The following KATNAL2 variants were observed in gnomAD, a reference collection of about 807,000 sequenced individuals.
The protein encoded by KATNAL2 is katanin p60 ATPase-containing subunit A-like 2.
In KATNAL2, 52 loss-of-function variants were observed where a neutral mutation model predicts 76.3. The ratio of observed to expected loss-of-function variants is 0.68; its 90% CI spans 0.55 to 0.86. KATNAL2 has a LOEUF of 0.86. Among genes scored for constraint, KATNAL2 ranks in the 40% least tolerant of loss-of-function variants. KATNAL2 has a pLI of 0.00. For missense variants in KATNAL2, 660 were observed against 668.9 expected (o/e 0.99, Z 0.15); for synonymous variants, 243 against 244.2 (o/e 1.00, Z 0.05).
At chr18:46,960,169 G>T (rs1313242108) in intron 3 of KATNAL2, among the ~76,000 whole-genome samples, 1 of 152,184 alleles carries the variant, frequency 6.6e-6, no homozygotes, top group Non-Finnish European at 1.5e-5. Flanking sequence ...GGGCACTGTG[G>T]CTCATGCCTA....
intron 3 of KATNAL2, chr18:47,033,508 C>G: frequency 6.2e-7 from 1 of 1,614,152 alleles, no homozygotes; most frequent in African/African-American, 1.3e-5. Context: ...ACAATGATTC[C>G]TCCGTAATTC....
chr18:47,069,670 G>T, intron 13 of KATNAL2, 70 bp downstream of exon 13: 2 of 1,010,064 alleles, frequency 2.0e-6, no homozygotes, highest in Admixed American at 2.1e-5. Context: ...TGATGTCAGA[G>T]CTTCTTTGCT....
chr18:47,031,889 C>G (rs376675828), intron 3 of KATNAL2, among the ~76,000 whole-genome samples: 4 of 151,758 alleles, frequency 2.6e-5, no homozygotes, highest in African/African-American at 9.7e-5. Context: ...GGCTTTTTTC[C>G]TGTGTGTGTG....
intron 1 of KATNAL2, among the ~76,000 whole-genome samples, chr18:46,944,948 A>G (rs1476067508): frequency 1.3e-5 from 2 of 152,120 alleles, no homozygotes; most frequent in Admixed American, 1.3e-4. Context: ...AAATAAATAA[A>G]TAAAGTATAC....
intron 6 of KATNAL2, among the ~76,000 whole-genome samples, chr18:47,056,956 G>C (rs2061489488): frequency 6.6e-6 from 1 of 151,958 alleles, no homozygotes; most frequent in Admixed American, 6.6e-5. Context: ...CCAGCAAAAG[G>C]GTAGAGAAAG....
chr18:46,942,827 AT>A lies in KATNAL2; in HGVS notation c.-509-3218del, dbSNP rs57765600. Among the ~76,000 whole-genome samples the A allele has an allele frequency of 4.9e-3, 713 of 145,580 alleles. 2 individuals are homozygous for A. Among genetic ancestry groups the A allele is most frequent in the African/African-American group, 0.015 (597 of 39,698 alleles). ...TTGGTCACATTATTCTGCTTTTGTA[AT>A]TTTTTTTTTTTGCATATCTAGCAAT... is the stretch of plus-strand genomic sequence containing the variant. On this transcript the variant is annotated intron_variant, in intron 1 of 17. Coordinates refer to ENST00000683218, the MANE Select transcript of KATNAL2 (RefSeq NM_001387690.1).
chr18:47,098,131 T>G (rs1161689812), intron 15 of KATNAL2: 3 of 190,856 alleles, frequency 1.6e-5, no homozygotes, highest in South Asian at 1.7e-4. Context: ...CAAGATGGTA[T>G]GTATATAGAT....
At chr18:47,057,870 T>C (rs2061515679) in intron 6 of KATNAL2, among the ~76,000 whole-genome samples, 2 of 152,346 alleles carry the variant, frequency 1.3e-5, no homozygotes, top group South Asian at 2.1e-4. Context: ...ACCTTTCTCC[T>C]GGTCTAATGC....
chr18:46,946,205 A>T lies in KATNAL2; in HGVS notation c.-361A>T. The T allele has an allele frequency of 9.6e-7, 1 of 1,043,592 alleles. No individual in the cohort carries two copies. The highest frequency in any genetic ancestry group is 3.2e-5 in the South Asian group (1 of 31,222). The allele number at this position is 1,043,592 out of a possible 1,614,324, so 64.6% of individuals were successfully genotyped here. A position where few individuals can be genotyped will look rare whatever the true frequency, so the allele number is the denominator to read the frequency against. On this transcript the variant is annotated 5_prime_UTR_variant, in exon 2 of 18. Coordinates refer to ENST00000683218, the MANE Select transcript of KATNAL2 (RefSeq NM_001387690.1). ...GAAGGGAAAGACATTGAAGAAACAG[A>T]CTAGTTAACACATGAAAAAAATAGA...
intron 3 of KATNAL2, among the ~76,000 whole-genome samples, chr18:46,951,444 T>C (rs937954692): frequency 6.6e-6 from 1 of 151,110 alleles, no homozygotes; most frequent in African/African-American, 2.4e-5. Flanking sequence ...TGGTATCTTT[T>C]CTGGATCTCT....
At chr18:47,035,878 G>T (rs1249105641) in intron 3 of KATNAL2, among the ~76,000 whole-genome samples, 1 of 152,184 alleles carries the variant, frequency 6.6e-6, no homozygotes, top group Admixed American at 6.5e-5. Flanking sequence ...ATAGAAAGAA[G>T]AACCAATACA....
chr18:46,948,204 G>A (rs937756515), intron 3 of KATNAL2, among the ~76,000 whole-genome samples: 13 of 152,070 alleles, frequency 8.5e-5, no homozygotes, highest in African/African-American at 2.9e-4. Context: ...TCCACCTGCC[G>A]GGTTCAAGTG....
chr18:46,952,485 C>T (rs1430273124), intron 3 of KATNAL2, among the ~76,000 whole-genome samples: 7 of 149,686 alleles, frequency 4.7e-5, no homozygotes, highest in South Asian at 4.3e-4. Flanking sequence ...CTGCAACCTC[C>T]GCCTCCCGGG....
At chr18:46,922,605 C>A (rs1373464485) in intron 1 of KATNAL2, among the ~76,000 whole-genome samples, 1 of 151,794 alleles carries the variant, frequency 6.6e-6, no homozygotes, top group Non-Finnish European at 1.5e-5. Flanking sequence ...ACTAGCCTGA[C>A]CAACGTGGTG....
At chr18:46,965,406 C>G (rs2060087068) in intron 3 of KATNAL2, among the ~76,000 whole-genome samples, 1 of 113,488 alleles carries the variant, frequency 8.8e-6, no homozygotes, top group Admixed American at 7.9e-5. Context: ...CCCAGCTGCC[C>G]TTGTTCGAAG....
intron 3 of KATNAL2, among the ~76,000 whole-genome samples, chr18:47,042,572 AAAAG>A (rs2060998361): frequency 6.6e-6 from 1 of 152,232 alleles, no homozygotes; most frequent in African/African-American, 2.4e-5. Context: ...ATGCTATGAA[AAAAG>A]AAAGAATCAG....
intron 14 of KATNAL2, chr18:47,076,287 T>C (rs1187050156): frequency 2.6e-5 from 4 of 152,218 alleles, no homozygotes; most frequent in South Asian, 2.1e-4. Flanking sequence ...CCAAGTAATA[T>C]ATGGGATTCA....
At chr18:46,919,347 G>A (rs568395964) in intron 1 of KATNAL2, among the ~76,000 whole-genome samples, 4 of 152,138 alleles carry the variant, frequency 2.6e-5, no homozygotes, top group Non-Finnish European at 4.4e-5. Context: ...TTAGCCAGGC[G>A]TGGTGGCGCA....
At chr18:47,044,464 T>C (rs2061081074) in intron 3 of KATNAL2, among the ~76,000 whole-genome samples, 1 of 152,116 alleles carries the variant, frequency 6.6e-6, no homozygotes, top group Non-Finnish European at 1.5e-5. Flanking sequence ...CACTTAAAAA[T>C]GGTTAAAATG....
Sources: gnomAD v4.1 joint callset for allele counts (sites outside exome capture counted in the v4.1 genomes callset) on GRCh38, gnomAD v4.1.1 for gene constraint, MANE v1.5 for transcripts, NCBI Gene and HGNC (gene_info 2026-07-23, HGNC 2026-07-21) for gene names.